The following MATK variants were observed in gnomAD, a reference collection of about 807,000 sequenced individuals.
MATK encodes megakaryocyte-associated tyrosine kinase.
MATK carries 41 observed loss-of-function variants against 59.8 expected under a neutral mutation model. The observed-to-expected ratio is 0.69, with a 90% confidence interval of 0.53 to 0.89. MATK has a LOEUF of 0.89. MATK is among the 40% of genes least tolerant of loss of function. The pLI is 0.00. For missense variants in MATK, 593 were observed against 719.6 expected (o/e 0.82, Z 2.01); for synonymous variants, 308 against 306.1 (o/e 1.01, Z -0.06).
intron 7 of MATK, 155 bp downstream of exon 7, chr19:3,782,971 C>T (rs1372883836): frequency 1.6e-6 from 1 of 635,312 alleles, no homozygotes; most frequent in Non-Finnish European, 2.8e-6. Context: ...TGTCTGTGGG[C>T]ACCCCCGAGG....
At chr19:3,788,098 TTATATTATATTA>T, upstream of MATK, among the ~76,000 whole-genome samples, 1 of 20,316 alleles carries the variant, frequency 4.9e-5, no homozygotes, top group South Asian at 1.6e-3. Context: ...TTATTAATAT[TTATATTATATTA>T]TATTATATTA....
chr19:3,796,630 A>G (rs2037597411), intron 1 of MATK, among the ~76,000 whole-genome samples: 2 of 152,064 alleles, frequency 1.3e-5, no homozygotes, highest in Non-Finnish European at 2.9e-5. Context: ...CAGAACTGAC[A>G]TCTCCACTCA....
intron 12 of MATK, 41 bp downstream of exon 12, chr19:3,778,951 G>A: frequency 6.7e-7 from 1 of 1,499,480 alleles, no homozygotes; most frequent in African/African-American, 1.4e-5. Flanking sequence ...CAGAGCTGGG[G>A]GGACCCCAAA....
At position 3,786,294 on chromosome 19, in the gene MATK, T is replaced by C. The variant is rs2037483057; in HGVS notation, c.-277A>G. 1.0e-6 allele frequency: 1 copy of C among 984,838 alleles called. No homozygotes were observed. The highest frequency in any genetic ancestry group is 1.2e-6 in the Non-Finnish European group (1 of 829,728). 61.0% of individuals were successfully genotyped at this position (984,838 alleles called of 1,614,324 possible). A position where few individuals can be genotyped will look rare whatever the true frequency, so the allele number is the denominator to read the frequency against. ...GAGCGAGTTGCTCCGTTTCCTCATT[T>C]TGGGGGCGAAGAAGGGTCGGGGAGT... On this transcript the variant is annotated 5_prime_UTR_variant, in exon 1 of 14. Coordinates refer to ENST00000310132, the MANE Select transcript of MATK (RefSeq NM_139355.3). This position sits in a 1 kb window ranked among gnomAD's most constrained non-coding sequence, Gnocchi z 4.1.
At position 3,779,702 on chromosome 19, in the gene MATK, T is replaced by C; in HGVS notation, c.838A>G (p.Met280Val). Residue 280 changes from methionine to valine, a missense_variant, in exon 9 of 14, where the codon ATG becomes GTG. Met to Val is a conservative substitution (Grantham distance 21). Transcript: ENST00000310132. ...AQAFLDETAV[M>V]TKMQHENLVR... ...CAGCCCCACCCTGGGACTCACGTCA[T>C]GACGGCCGTCTCGTCCAGGAAGGCC... 6.2e-7 allele frequency: 1 copy of C among 1,612,828 alleles called. No homozygotes were observed. The highest frequency in any genetic ancestry group is 8.5e-7 in the Non-Finnish European group (1 of 1,179,904).
chr19:3,780,663 A>T (rs1030766737), intron 8 of MATK, among the ~76,000 whole-genome samples: 1 of 145,070 alleles, frequency 6.9e-6, no homozygotes, highest in Non-Finnish European at 1.5e-5. Context: ...CGATCTCATG[A>T]CCTCGTGATC....
intron 1 of MATK, among the ~76,000 whole-genome samples, chr19:3,792,706 T>C (rs1313059250): frequency 6.6e-6 from 1 of 151,950 alleles, no homozygotes; most frequent in Non-Finnish European, 1.5e-5. Flanking sequence ...TTAGTAGAGA[T>C]GGGGTTTCAC....
At chr19:3,786,753 A>C (rs536918683), upstream of MATK, among the ~76,000 whole-genome samples, 1 of 152,294 alleles carries the variant, frequency 6.6e-6, no homozygotes, top group Admixed American at 6.5e-5. This position sits in a 1 kb window ranked among gnomAD's most constrained non-coding sequence, Gnocchi z 4.1. Flanking sequence ...GGTTGACAAA[A>C]AAAAAGCTTT....
At position 3,779,681 on chromosome 19, in the gene MATK, C is replaced by T. The variant is rs185317729; in HGVS notation, c.842+17G>A. 3.3e-4 allele frequency: 535 copies of T among 1,612,370 alleles called. 2 individuals are homozygous for T. In the East Asian group the frequency reaches 0.01, roughly 30 times the overall value. ...CCCCCCCCGTCCCACGGTCCCCAGCCCCACCCTGGGACTCACGTCATGACG... is the reference window on the plus strand; with the variant it reads ...CCCCCCCCGTCCCACGGTCCCCAGCTCCACCCTGGGACTCACGTCATGACG... On this transcript the variant is annotated intron_variant, in intron 9 of 13. Transcript: ENST00000310132.
intron 7 of MATK, 25 bp downstream of exon 7, chr19:3,783,101 G>C (rs777993895): frequency 6.2e-7 from 1 of 1,610,506 alleles, no homozygotes; most frequent in Non-Finnish European, 8.5e-7. Context: ...AGGGAAGGGG[G>C]TCTGCCCTCC....
At position 3,784,805 on chromosome 19, in the gene MATK, A is replaced by G; in HGVS notation, c.132+20T>C. ...GAAGAAGGACCCGGGGAGCAGAGGA[A>G]GCAGGCTAGACACACTCACCGTTGG... On this transcript the variant is annotated intron_variant, in intron 3 of 13. Transcript: ENST00000310132. The G allele has an allele frequency of 6.5e-7, 1 of 1,547,284 alleles. No homozygotes were observed. Among genetic ancestry groups the G allele is most frequent in the Non-Finnish European group, 8.8e-7 (1 of 1,142,820 alleles).
chr19:3,782,370 T>C (rs1231361289), intron 7 of MATK, among the ~76,000 whole-genome samples: 2 of 152,294 alleles, frequency 1.3e-5, no homozygotes, highest in East Asian at 3.9e-4. Context: ...CTGGATGCCA[T>C]CCCTGATGGG....
rs183755247 is a variant in MATK, at chr19:3,780,466, C to T, written c.743-669G>A. Among the ~76,000 whole-genome samples, 1,338 of 151,966 alleles carry T rather than the reference C, an allele frequency of 8.8e-3. 18 individuals carry two copies. The highest frequency in any genetic ancestry group is 0.031 in the African/African-American group (1,289 of 41,466). On this transcript the variant is annotated intron_variant, in intron 8 of 13. Transcript: ENST00000310132. Reference sequence around the variant, plus strand: ...TATTTGAGACGGAGTCTTGCTCTGTCGCCCAGGCTGGAGTGCAGTGGCGCC... The same window carrying T: ...TATTTGAGACGGAGTCTTGCTCTGTTGCCCAGGCTGGAGTGCAGTGGCGCC...
rs372838681 is a variant in MATK at position 3,779,400 on chromosome 19, C to T, written c.979G>A (p.Ala327Thr). ...RTRGRALVNT[A>T]QLLQFSLHVA... ...TACAGAGAAAACTGCAGGAGCTGAGCGGTGTTCACGAGGGCTCGACCCCGG... is the reference window on the plus strand; with the variant it reads ...TACAGAGAAAACTGCAGGAGCTGAGTGGTGTTCACGAGGGCTCGACCCCGG... Residue 327 changes from alanine (A) to threonine (T), a missense_variant, in exon 11 of 14, where the codon GCT becomes ACT. Transcript: ENST00000310132. 1.5e-5 allele frequency: 25 copies of T among 1,613,166 alleles called. No individual in the cohort carries two copies. The highest frequency in any genetic ancestry group is 2.7e-5 in the African/African-American group (2 of 74,938).
chr19:3,783,775 C>T, intron 6 of MATK, 39 bp downstream of exon 6: 1 of 1,586,820 alleles, frequency 6.3e-7, no homozygotes, highest in Non-Finnish European at 8.6e-7. Flanking sequence ...CTGGGCTGCC[C>T]CACTGCAGGG....
intron 1 of MATK, among the ~76,000 whole-genome samples, chr19:3,801,235 G>A (rs1360090248): frequency 6.6e-6 from 1 of 152,140 alleles, no homozygotes; most frequent in Non-Finnish European, 1.5e-5. Flanking sequence ...GTCTTAATCC[G>A]ATCACCTGAG....
chr19:3,787,047 G>C (rs1183065213), upstream of MATK, among the ~76,000 whole-genome samples: 2 of 152,158 alleles, frequency 1.3e-5, no homozygotes, highest in Non-Finnish European at 2.9e-5. Flanking sequence ...TGGTGGACAG[G>C]GCCCTGGCCC....
At chr19:3,783,294 G>A in intron 6 of MATK, 75 bp from the exon 7 acceptor site, 1 of 627,154 alleles carries the variant, frequency 1.6e-6, no homozygotes. Context: ...TTCCCGGGTG[G>A]CCTCTGGGTG....
chr19:3,784,558 G>A, intron 3 of MATK, 107 bp from the exon 4 acceptor site: 1 of 760,288 alleles, frequency 1.3e-6, no homozygotes, highest in Non-Finnish European at 2.1e-6. Context: ...ATAGAGATTG[G>A]AAAAGAGCGG....
Sources: gnomAD v4.1 joint callset for allele counts (sites outside exome capture counted in the v4.1 genomes callset) on GRCh38, gnomAD v4.1.1 for gene constraint, Gnocchi (gnomAD v3.1) non-coding constraint, MANE v1.5 for transcripts, NCBI Gene and HGNC (gene_info 2026-07-23, HGNC 2026-07-21) for gene names.